CRYBB1: variants seen among roughly 807,000 people sequenced by gnomAD.
CRYBB1 encodes the protein crystallin beta B1.
CRYBB1 carries 16 observed loss-of-function variants against 29.5 expected under a neutral mutation model. That is an observed-to-expected ratio of 0.54 (90% CI 0.37 to 0.82). The LOEUF (loss-of-function observed/expected upper bound fraction) is 0.82. CRYBB1 is among the 40% of genes least tolerant of loss of function. The pLI is 0.00. For synonymous variants in CRYBB1, 127 were observed against 136.7 expected (o/e 0.93, Z 0.49); for missense variants, 300 against 350.5 (o/e 0.86, Z 1.15).
At chr22:26,612,036 G>T in intron 3 of CRYBB1, 36 bp downstream of exon 3, 3 of 1,450,674 alleles carry the variant, frequency 2.1e-6, no homozygotes, top group Non-Finnish European at 2.9e-6. Context: ...ATTTTACTGT[G>T]GCAGAGAGTG....
At chr22:26,606,448 A>C (rs1928979495) in intron 4 of CRYBB1, among the ~76,000 whole-genome samples, 1 of 152,248 alleles carries the variant, frequency 6.6e-6, no homozygotes, top group African/African-American at 2.4e-5. Flanking sequence ...CCAAAATTCA[A>C]GTGTCCAATG....
intron 3 of CRYBB1, among the ~76,000 whole-genome samples, chr22:26,611,419 G>C (rs1929152907): frequency 6.6e-6 from 1 of 151,858 alleles, no homozygotes; most frequent in Non-Finnish European, 1.5e-5. Context: ...TTCACTCTTT[G>C]ACCTCTCTCA....
intron 4 of CRYBB1, among the ~76,000 whole-genome samples, chr22:26,606,875 A>G (rs1928991333): frequency 6.6e-6 from 1 of 152,190 alleles, no homozygotes; most frequent in African/African-American, 2.4e-5. Context: ...ATTCTGGAAA[A>G]AACTGTGAAT....
At chr22:26,616,087 G>A (rs1332931139) in intron 2 of CRYBB1, 53 bp downstream of exon 2, 1 of 1,384,082 alleles carries the variant, frequency 7.2e-7, no homozygotes, top group Non-Finnish European at 1.0e-6. Context: ...GGAGGAGGAG[G>A]GAAGGAAGGA....
intron 1 of CRYBB1, among the ~76,000 whole-genome samples, chr22:26,616,636 C>T (rs1929366145): frequency 6.6e-6 from 1 of 152,234 alleles, no homozygotes; most frequent in Non-Finnish European, 1.5e-5. Flanking sequence ...CAATTTTCCA[C>T]ACTGCTTATC....
intron 2 of CRYBB1, among the ~76,000 whole-genome samples, 177 bp from the exon 3 acceptor site, chr22:26,612,367 G>T (rs1354840586): frequency 6.6e-6 from 1 of 152,072 alleles, no homozygotes; most frequent in South Asian, 2.1e-4. Context: ...TTTGTTTTTT[G>T]TTTGTTTGTT....
At position 26,601,957 on chromosome 22, in the gene CRYBB1, A is replaced by G. The variant is rs1928834450; in HGVS notation, c.497T>C (p.Ile166Thr). ...GAGACTGGGTGCGTCGTCCCCCTGG[A>G]TCTCTATGGTGTTGCCCTTGAAGTT... ...GANFKGNTIE[I>T]QGDDAPSLWV... Residue 166 changes from isoleucine to threonine, a missense_variant, in exon 5 of 6, where the codon ATC becomes ACC. By Grantham distance (89) the Ile-to-Thr change is moderately conservative. Transcript: ENST00000647684. The G allele has an allele frequency of 3.1e-6, 5 of 1,613,424 alleles. No individual in the cohort carries two copies. The highest frequency in any genetic ancestry group is 1.7e-5 in the Admixed American group (1 of 60,000).
At chr22:26,605,215 A>G (rs1268671126) in intron 4 of CRYBB1, among the ~76,000 whole-genome samples, 5 of 152,154 alleles carry the variant, frequency 3.3e-5, no homozygotes, top group African/African-American at 7.2e-5. Context: ...GTTAGATTGC[A>G]TGGCCTTTGT....
At chr22:26,616,060 G>GAGGAGGAGGAGAAGA in intron 2 of CRYBB1, 80 bp downstream of exon 2, 1 of 1,097,600 alleles carries the variant, frequency 9.1e-7, no homozygotes, top group Non-Finnish European at 1.4e-6. Context: ...GAAAGAGGAA[G>GAGGAGGAGGAGAAGA]AGGAGGAGGA....
chr22:26,601,518 T>C (rs2301440), intron 5 of CRYBB1, among the ~76,000 whole-genome samples: 85,941 of 150,508 alleles, frequency 0.57, 24,955 homozygotes, highest in East Asian at 0.76. Flanking sequence ...CCCAGAAGCT[T>C]CTGATTTCCC....
intron 2 of CRYBB1, among the ~76,000 whole-genome samples, chr22:26,613,366 GA>G (rs1166830775): frequency 6.6e-6 from 1 of 152,202 alleles, no homozygotes; most frequent in Admixed American, 6.5e-5. Context: ...TTGCCCAAGA[GA>G]AACTCCTGTA....
rs1168620119 is a variant in CRYBB1, at chr22:26,599,668, A to G, written c.581T>C (p.Val194Ala). ...GSVKVSSGTW[V>A]GYQYPGYRGY... is the part of the protein sequence containing the mutation. ...GCGGTAGCCAGGATACTGATAGCCA[A>G]CCCATCTGAGAGAAAAGTGAGAAGG... Residue 194 changes from valine to alanine, a missense_variant, in exon 6 of 6, where the codon GTT (valine) becomes GCT (alanine). Physicochemically the swap from Val to Ala is moderately conservative, Grantham distance 64. Coordinates refer to ENST00000647684, the MANE Select transcript of CRYBB1 (RefSeq NM_001887.4). 2.5e-6 allele frequency: 4 copies of G among 1,613,846 alleles called. No individual in the cohort carries two copies. The highest frequency in any genetic ancestry group is 1.7e-5 in the Admixed American group (1 of 60,006).
intron 3 of CRYBB1, among the ~76,000 whole-genome samples, chr22:26,608,810 C>T (rs531404707): frequency 2.0e-5 from 3 of 151,566 alleles, no homozygotes; most frequent in Admixed American, 2.0e-4. Context: ...TAGTATGAGG[C>T]AATGGGAAGG....
At chr22:26,602,590 CAAA>C (rs3885494) in intron 4 of CRYBB1, among the ~76,000 whole-genome samples, 2 of 132,242 alleles carry the variant, frequency 1.5e-5, no homozygotes, top group Non-Finnish European at 1.6e-5. Context: ...GACCCTGTCT[CAAA>C]AAAAAAAAAA....
At position 26,608,091 on chromosome 22, in the gene CRYBB1, C is replaced by A. The variant is rs540816527; in HGVS notation, c.300-70G>T. Reference sequence around the variant, plus strand: ...AGTAGAAGCCCCCACTCCCTACTTGCCTTTCTCTCTCCCCTGGCAAGGCAG... The same window carrying A: ...AGTAGAAGCCCCCACTCCCTACTTGACTTTCTCTCTCCCCTGGCAAGGCAG... On this transcript the variant is annotated intron_variant, in intron 3 of 5. Transcript: ENST00000647684. The A allele has an allele frequency of 7.7e-4, 1,247 of 1,611,438 alleles. 6 individuals are homozygous for A. The highest frequency in any genetic ancestry group is 7.7e-3 in the South Asian group (698 of 90,916).
chr22:26,617,036 C>A (rs190629212), intron 1 of CRYBB1, among the ~76,000 whole-genome samples: 2 of 152,358 alleles, frequency 1.3e-5, no homozygotes, highest in Admixed American at 1.3e-4. Flanking sequence ...TGAATGCATG[C>A]TCCCAGCTCC....
At chr22:26,612,000 G>T in intron 3 of CRYBB1, 72 bp downstream of exon 3, 1 of 1,121,042 alleles carries the variant, frequency 8.9e-7, no homozygotes, top group Non-Finnish European at 1.4e-6. Context: ...AGATGCTGGA[G>T]AAATGGCAGC....
chr22:26,603,057 A>G (rs1341168158), intron 4 of CRYBB1, among the ~76,000 whole-genome samples: 4 of 149,438 alleles, frequency 2.7e-5, no homozygotes, highest in Non-Finnish European at 5.9e-5. Flanking sequence ...CCCAGGAGGC[A>G]GAGCTTGCAG....
At chr22:26,606,468 G>A (rs1928979779) in intron 4 of CRYBB1, among the ~76,000 whole-genome samples, 1 of 152,044 alleles carries the variant, frequency 6.6e-6, no homozygotes, top group Non-Finnish European at 1.5e-5. Flanking sequence ...GGCCACATAT[G>A]GCTACTGCCT....
Sources: gnomAD v4.1 joint callset for allele counts (sites outside exome capture counted in the v4.1 genomes callset) on GRCh38, gnomAD v4.1.1 for gene constraint, MANE v1.5 for transcripts, NCBI Gene and HGNC (gene_info 2026-07-23, HGNC 2026-07-21) for gene names.